The following SPTBN1 variants were observed in gnomAD, a reference collection of about 807,000 sequenced individuals.
The protein encoded by SPTBN1 is spectrin beta chain, non-erythrocytic 1.
Under a neutral mutation model 266.4 loss-of-function variants are expected in SPTBN1, and 32 were observed. That is an observed-to-expected ratio of 0.12 (90% CI 0.09 to 0.16). The LOEUF (loss-of-function observed/expected upper bound fraction) is 0.16, where lower values mean the gene tolerates loss of function less well. Ranked by LOEUF, SPTBN1 falls within the 10% of genes least tolerant of loss-of-function variation. The pLI is 1.00. For missense variants in SPTBN1, 2,296 were observed against 3,067.1 expected (o/e 0.75, Z 5.94); for synonymous variants, 1,336 against 1,162.2 (o/e 1.15, Z -3.04).
chr2:54,525,703 G>A (rs1427907773), intron 1 of SPTBN1, among the ~76,000 whole-genome samples: 3 of 152,244 alleles, frequency 2.0e-5, no homozygotes, highest in Non-Finnish European at 4.4e-5. Flanking sequence ...GAAGCCCCAC[G>A]TAGGTGTTGA....
At position 54,591,694 on chromosome 2, in the gene SPTBN1, G is replaced by C. The variant is rs538174616; in HGVS notation, c.149-7398G>C. ...TGGCTCCCATCCCTTTCCATAACCA[G>C]AACTGTGGCATATGGTGAATATAGT... On this transcript the variant is annotated intron_variant, in intron 2 of 35. Coordinates refer to ENST00000356805, the MANE Select transcript of SPTBN1 (RefSeq NM_003128.3). Among the ~76,000 whole-genome samples, 16 of 152,252 alleles carry C rather than the reference G, an allele frequency of 1.1e-4. 1 individual carries two copies. The South Asian group carries it at 3.1e-3, about 30-fold the overall frequency.
At chr2:54,600,738 G>T (rs766571500) in intron 3 of SPTBN1, among the ~76,000 whole-genome samples, 64 of 141,238 alleles carry the variant, frequency 4.5e-4, no homozygotes, top group Non-Finnish European at 9.3e-4. Context: ...TTTGTGGAGT[G>T]GGGGAATGGT....
intron 12 of SPTBN1, among the ~76,000 whole-genome samples, chr2:54,627,605 A>C (rs1311815060): frequency 6.6e-6 from 1 of 152,218 alleles, no homozygotes; most frequent in Non-Finnish European, 1.5e-5. Context: ...AACAGAGGAA[A>C]AACATTCACT....
chr2:54,664,163 A>G lies in SPTBN1; in HGVS notation c.6421-290A>G, dbSNP rs1422447921. ...TGTCTTTTTGTTTTAAAGTAACCATAAGAGGAGATGATCTGAGTTATATTT... is the reference window on the plus strand; with the variant it reads ...TGTCTTTTTGTTTTAAAGTAACCATGAGAGGAGATGATCTGAGTTATATTT... On this transcript the variant is annotated intron_variant, in intron 32 of 35. Coordinates refer to ENST00000356805, the MANE Select transcript of SPTBN1 (RefSeq NM_003128.3). The surrounding 1 kb of genome is among the most constrained non-coding windows in gnomAD (Gnocchi z 5.6). The G allele has an allele frequency of 2.0e-5, 6 of 295,124 alleles. No homozygotes were observed. The highest frequency in any genetic ancestry group is 3.8e-5 in the Non-Finnish European group (6 of 159,884). 18.3% of individuals were successfully genotyped at this position (295,124 alleles called of 1,614,324 possible).
At chr2:54,555,920 T>C (rs1489600853) in intron 2 of SPTBN1, among the ~76,000 whole-genome samples, 1 of 152,224 alleles carries the variant, frequency 6.6e-6, no homozygotes, top group Non-Finnish European at 1.5e-5. Flanking sequence ...AGATGTGTCC[T>C]CCTTGTCCTC....
At chr2:54,665,459 T>TCA (rs1212358302) in intron 33 of SPTBN1, among the ~76,000 whole-genome samples, 1 of 152,244 alleles carries the variant, frequency 6.6e-6, no homozygotes, top group Non-Finnish European at 1.5e-5. Flanking sequence ...TAAGTGCTGA[T>TCA]GGCTCTGGGT....
chr2:54,625,244 T>C (rs1368316796), intron 11 of SPTBN1, among the ~76,000 whole-genome samples: 1 of 152,206 alleles, frequency 6.6e-6, no homozygotes, highest in African/African-American at 2.4e-5. Flanking sequence ...TTTAACAGTT[T>C]CTCTCTTTTC....
intron 2 of SPTBN1, among the ~76,000 whole-genome samples, chr2:54,556,316 C>T (rs1672872406): frequency 6.6e-6 from 1 of 152,230 alleles, no homozygotes; most frequent in Non-Finnish European, 1.5e-5. Flanking sequence ...CATGTGTTCA[C>T]TCTGCCTGGT....
chr2:54,616,137 A>T, intron 4 of SPTBN1, 70 bp from the exon 5 acceptor site: 1 of 1,309,206 alleles, frequency 7.6e-7, no homozygotes, highest in Non-Finnish European at 1.1e-6. Flanking sequence ...GTATATGCAG[A>T]CCTGTTCTTC....
intron 32 of SPTBN1, chr2:54,663,032 C>T (rs946665363): frequency 3.9e-5 from 6 of 152,224 alleles, no homozygotes; most frequent in Non-Finnish European, 7.3e-5. Context: ...TTTGCATAGA[C>T]ATAACTTAAA....
chr2:54,517,737 C>G (rs1197224137), intron 1 of SPTBN1, among the ~76,000 whole-genome samples: 1 of 151,884 alleles, frequency 6.6e-6, no homozygotes, highest in Non-Finnish European at 1.5e-5. Flanking sequence ...CCTCCATCAC[C>G]CGGGTTCAAG....
Position 54,631,503 on chromosome 2 carries a change from C to A in SPTBN1, c.3456C>A (p.Asn1152Lys), listed in dbSNP as rs534610237. 6.8e-6 allele frequency: 11 copies of A among 1,614,218 alleles called. No individual in the cohort carries two copies. The East Asian group carries it at 1.8e-4, about 26-fold the overall frequency. ...QRLQALDTGW[N>K]ELHKMWENRQ... ...TGCAGGCCCTGGACACTGGATGGAA[C>A]GAGCTCCACAAGATGTGGGAGAACA... is the stretch of plus-strand genomic sequence containing the variant. The change falls in exon 16 of 36, where the codon AAC becomes AAA. Residue 1152 changes from asparagine (N) to lysine (K), a missense_variant. Transcript: ENST00000356805.
chr2:54,482,347 T>A (rs1200636942), intron 1 of SPTBN1, among the ~76,000 whole-genome samples: 2 of 142,460 alleles, frequency 1.4e-5, no homozygotes, highest in African/African-American at 5.3e-5. Context: ...AGACCTCATC[T>A]CTACAGCAGG....
intron 2 of SPTBN1, among the ~76,000 whole-genome samples, chr2:54,581,519 A>G (rs1674902545): frequency 6.7e-6 from 1 of 150,122 alleles, no homozygotes; most frequent in Non-Finnish European, 1.5e-5. Flanking sequence ...CCTCCTAGGC[A>G]GGCAAGCCGA....
Position 54,540,272 on chromosome 2 carries a change from T to G in SPTBN1, c.148+13706T>G, listed in dbSNP as rs930121330. On this transcript the variant is annotated intron_variant, in intron 2 of 35. Transcript: ENST00000356805. This position sits in a 1 kb window ranked among gnomAD's most constrained non-coding sequence, Gnocchi z 5.6. ...AGCTGATTGATAGAATCCTGGAGTT[T>G]AATCTTTCTCCTACCAGAATATTTG... Among the ~76,000 whole-genome samples, 1 of 152,058 alleles carries G rather than the reference T, an allele frequency of 6.6e-6. No homozygotes were observed. The highest frequency in any genetic ancestry group is 1.5e-5 in the Non-Finnish European group (1 of 68,038).
chr2:54,627,409 G>A (rs1339896040), intron 12 of SPTBN1, among the ~76,000 whole-genome samples: 1 of 152,194 alleles, frequency 6.6e-6, no homozygotes, highest in Non-Finnish European at 1.5e-5. Context: ...GCTGGTTGAT[G>A]GAAGAAACAA....
At chr2:54,648,552 G>T (rs576369051) in intron 24 of SPTBN1, among the ~76,000 whole-genome samples, 1 of 152,296 alleles carries the variant, frequency 6.6e-6, no homozygotes, top group East Asian at 1.9e-4. Flanking sequence ...GACCACTCTG[G>T]ATTTTGCATT....
At chr2:54,657,409 C>T (rs1680747894) in intron 29 of SPTBN1, among the ~76,000 whole-genome samples, 1 of 152,200 alleles carries the variant, frequency 6.6e-6, no homozygotes, top group Admixed American at 6.5e-5. Flanking sequence ...TCACTGTAGA[C>T]CTGCGCTGAG....
At chr2:54,493,417 G>GGGT (rs1370587328) in intron 1 of SPTBN1, among the ~76,000 whole-genome samples, 1 of 149,754 alleles carries the variant, frequency 6.7e-6, no homozygotes, top group African/African-American at 2.4e-5. Flanking sequence ...TTTTTTGGGG[G>GGGT]GTTGGGGGAG....
Sources: allele counts gnomAD v4.1 joint callset (sites outside exome capture counted in the v4.1 genomes callset), GRCh38; gene constraint gnomAD v4.1.1; non-coding constraint Gnocchi (gnomAD v3.1); transcripts MANE v1.5; gene names NCBI Gene and HGNC (gene_info 2026-07-23, HGNC 2026-07-21).